Variants in PNPLA1 observed in about 807,000 individuals in gnomAD.
PNPLA1 encodes omega-hydroxyceramide transacylase.
PNPLA1 carries 36 observed loss-of-function variants against 51.7 expected under a neutral mutation model. The ratio of observed to expected loss-of-function variants is 0.70; its 90% CI spans 0.53 to 0.92. The LOEUF is 0.92. Among genes scored for constraint, PNPLA1 ranks in the 40% least tolerant of loss-of-function variants. The probability of loss-of-function intolerance (pLI) is 0.00; values close to 1 mark genes in which losing one functional copy is unlikely to be tolerated. For synonymous variants in PNPLA1, 293 were observed against 280.1 expected (o/e 1.05, Z -0.46); for missense variants, 658 against 682.5 (o/e 0.96, Z 0.40).
intron 5 of PNPLA1, among the ~76,000 whole-genome samples, chr6:36,296,789 G>C (rs1250126789): frequency 6.6e-6 from 1 of 152,074 alleles, no homozygotes; most frequent in Admixed American, 6.6e-5. Flanking sequence ...CCCACAAGCT[G>C]TGTGACCTCC....
At chr6:36,311,135 G>A (rs914118648) in intron 8 of PNPLA1, among the ~76,000 whole-genome samples, 8 of 152,216 alleles carry the variant, frequency 5.3e-5, no homozygotes, top group African/African-American at 9.7e-5. Context: ...GGGGCCCAGC[G>A]GTGTGTATTT....
At chr6:36,300,194 A>AGAGAGAGAGAGAGAGAGATT (rs1561869709) in intron 5 of PNPLA1, among the ~76,000 whole-genome samples, 1 of 118,608 alleles carries the variant, frequency 8.4e-6, no homozygotes, top group Non-Finnish European at 2.0e-5. Context: ...AGAGAGAGAG[A>AGAGAGAGAGAGAGAGAGATT]GAGAGAGAGA....
At chr6:36,309,752 T>C (rs1317940541) in intron 8 of PNPLA1, among the ~76,000 whole-genome samples, 1 of 152,180 alleles carries the variant, frequency 6.6e-6, no homozygotes, top group African/African-American at 2.4e-5. Context: ...TGAGCCTGCC[T>C]GGAGGTGGCA....
intron 1 of PNPLA1, among the ~76,000 whole-genome samples, chr6:36,280,990 A>G (rs982989071): frequency 6.6e-6 from 1 of 152,146 alleles, no homozygotes; most frequent in East Asian, 1.9e-4. Context: ...ACGGGGTCTC[A>G]CTATGTTACC....
chr6:36,260,631 G>T (rs765346521), intron 1 of PNPLA1, among the ~76,000 whole-genome samples: 1 of 152,096 alleles, frequency 6.6e-6, no homozygotes, highest in Non-Finnish European at 1.5e-5. Context: ...CCTTATATCT[G>T]CAAGTGAAGT....
intron 2 of PNPLA1, among the ~76,000 whole-genome samples, chr6:36,292,851 A>C (rs1770730707): frequency 6.6e-6 from 1 of 152,172 alleles, no homozygotes; most frequent in African/African-American, 2.4e-5. Flanking sequence ...CTGGGACATC[A>C]GGGCCAGATG....
At chr6:36,300,176 TGTGAGAGAGA>T (rs1561869625) in intron 5 of PNPLA1, among the ~76,000 whole-genome samples, 1 of 72,000 alleles carries the variant, frequency 1.4e-5, no homozygotes, top group African/African-American at 4.0e-5. Context: ...TGTGTGTGTG[TGTGAGAGAGA>T]GAGAGAGAGA....
intron 1 of PNPLA1, among the ~76,000 whole-genome samples, chr6:36,246,650 C>G (rs1187330219): frequency 6.6e-6 from 1 of 152,162 alleles, no homozygotes; most frequent in Non-Finnish European, 1.5e-5. Flanking sequence ...GTCCTTTATG[C>G]ATAAGAAACT....
chr6:36,260,005 T>C lies in PNPLA1; in HGVS notation c.-81+16744T>C, dbSNP rs374621265. Among the ~76,000 whole-genome samples the C allele has an allele frequency of 7.1e-4, 108 of 151,944 alleles. 3 individuals are homozygous for C. In the South Asian group the frequency reaches 0.021, roughly 30 times the overall value. On this transcript the variant is annotated intron_variant, in intron 1 of 7. Transcript: ENST00000312917. ...AAGTTGAAATTTTTTTTTTAAGAAA[T>C]GAAAGACCATTGAGGCCAGGCTCAT...
chr6:36,259,848 G>A (rs931700583), intron 1 of PNPLA1, among the ~76,000 whole-genome samples: 11 of 151,992 alleles, frequency 7.2e-5, no homozygotes, highest in Non-Finnish European at 5.9e-5. Flanking sequence ...GAGGGAGGAG[G>A]GCAAGAGTTC....
In PNPLA1 at chr6:36,286,557, G is replaced by A. The variant is rs538955068; in HGVS notation, c.206-4763G>A. Reference sequence around the variant, plus strand: ...TTGAGGAGCCTGGGCAACAGAGGGAGACCCTGTCTCTAAAAAAAAAAAGTT... The same window carrying A: ...TTGAGGAGCCTGGGCAACAGAGGGAAACCCTGTCTCTAAAAAAAAAAAGTT... On this transcript the variant is annotated intron_variant, in intron 1 of 8. Coordinates refer to ENST00000636260, the MANE Select transcript of PNPLA1 (RefSeq NM_001374623.1). 3.2e-4 allele frequency among the ~76,000 whole-genome samples: 49 copies of A among 151,052 alleles called. 1 individual carries two copies. The East Asian group carries it at 9.1e-3, about 28-fold the overall frequency.
intron 1 of PNPLA1, among the ~76,000 whole-genome samples, chr6:36,244,521 T>G (rs892329584): frequency 5.9e-5 from 9 of 152,126 alleles, no homozygotes; most frequent in Non-Finnish European, 1.0e-4. Context: ...ATTTGGTGGA[T>G]GTAGAGGGGG....
At chr6:36,307,221 A>G (rs1325220632) in intron 7 of PNPLA1, among the ~76,000 whole-genome samples, 1 of 152,208 alleles carries the variant, frequency 6.6e-6, no homozygotes, top group African/African-American at 2.4e-5. Context: ...CATCAAGCAT[A>G]TTAAAATTTA....
At chr6:36,307,322 T>C (rs1236217278) in intron 7 of PNPLA1, among the ~76,000 whole-genome samples, 2 of 152,250 alleles carry the variant, frequency 1.3e-5, no homozygotes, top group Admixed American at 1.3e-4. Context: ...GCATAAGTTA[T>C]GCATTTTGTT....
chr6:36,300,178 T>TGTGTGTGTGTGTGTGTGAGAGA, intron 5 of PNPLA1, among the ~76,000 whole-genome samples: 2 of 98,088 alleles, frequency 2.0e-5, no homozygotes, highest in African/African-American at 6.7e-5. Context: ...TGTGTGTGTG[T>TGTGTGTGTGTGTGTGTGAGAGA]GAGAGAGAGA....
At chr6:36,255,110 T>TA (rs1305060692) in intron 1 of PNPLA1, among the ~76,000 whole-genome samples, 30 of 152,180 alleles carry the variant, frequency 2.0e-4, no homozygotes, top group Admixed American at 2.0e-3. Flanking sequence ...CTAATGCCCG[T>TA]AATCCCAGCA....
At chr6:36,276,769 CCTTCCTTCCTTCCTTCCTTG>C (rs1169665578) in intron 1 of PNPLA1, among the ~76,000 whole-genome samples, 12 of 151,606 alleles carry the variant, frequency 7.9e-5, no homozygotes, top group African/African-American at 2.9e-4. Context: ...TTCCTTCCTT[CCTTCCTTCCTTCCTTCCTTG>C]CTTCCTTCCG....
chr6:36,270,493 A>G lies in PNPLA1; in HGVS notation c.34A>G (p.Thr12Ala). ...ACAGGTGTTCAAGGGGGACCCGGAC[A>G]CCCCTCACTCCATCTCCTTCTCGGG... ...EEQVFKGDPDTPHSISFSGSG... is the reference protein window; with the variant it reads ...EEQVFKGDPDAPHSISFSGSG... Residue 12 changes from threonine to alanine, a missense_variant, in exon 1 of 9, where the codon ACC becomes GCC. Thr to Ala is a moderately conservative substitution (Grantham distance 58). Transcript: ENST00000636260. 1 of 1,551,248 alleles carries G rather than the reference A, an allele frequency of 6.4e-7. No individual in the cohort carries two copies. The highest frequency in any genetic ancestry group is 8.7e-7 in the Non-Finnish European group (1 of 1,146,942).
intron 1 of PNPLA1, among the ~76,000 whole-genome samples, chr6:36,258,660 C>G (rs1769582016): frequency 6.6e-6 from 1 of 152,132 alleles, no homozygotes; most frequent in Non-Finnish European, 1.5e-5. Flanking sequence ...ATCTTATGGA[C>G]CAGAATTGTT....
Sources: gnomAD v4.1 joint callset for allele counts (sites outside exome capture counted in the v4.1 genomes callset) on GRCh38, gnomAD v4.1.1 for gene constraint, MANE v1.5 for transcripts, NCBI Gene and HGNC (gene_info 2026-07-23, HGNC 2026-07-21) for gene names.